The following BAIAP2L2 variants were observed in gnomAD, a reference collection of about 807,000 sequenced individuals.
BAIAP2L2 encodes the protein BAR/IMD domain-containing adapter protein 2-like 2.
BAIAP2L2 carries 65 observed loss-of-function variants against 60.4 expected under a neutral mutation model. That is an observed-to-expected ratio of 1.08 (90% CI 0.88 to 1.32). The LOEUF is 1.32. Ranked by LOEUF, BAIAP2L2 falls within the 40% of genes most tolerant of loss-of-function variation. The pLI, the probability that BAIAP2L2 is intolerant of heterozygous loss-of-function variation, is 0.00. For missense variants in BAIAP2L2, 836 were observed against 741.2 expected (o/e 1.13, Z -1.48); for synonymous variants, 344 against 301.7 (o/e 1.14, Z -1.45).
At chr22:38,086,560 G>A (rs895042885) in intron 11 of BAIAP2L2, 111 bp from the exon 12 acceptor site, 11 of 781,622 alleles carry the variant, frequency 1.4e-5, no homozygotes, top group Middle Eastern at 3.7e-4. Flanking sequence ...CTTCCTCCCC[G>A]CACCTGCATG....
At position 38,110,611 on chromosome 22, in the gene BAIAP2L2, G is replaced by T; in HGVS notation, c.-86C>A. ...AGCAGTGGTAGGTAGTCCCTCAGGTGCCCACGACTCAGCTGGCAGCGAGGA... is the reference window on the plus strand; with the variant it reads ...AGCAGTGGTAGGTAGTCCCTCAGGTTCCCACGACTCAGCTGGCAGCGAGGA... On this transcript the variant is annotated 5_prime_UTR_variant, in exon 1 of 14. Transcript: ENST00000381669. 1 of 1,143,110 alleles carries T rather than the reference G, an allele frequency of 8.7e-7. No individual in the cohort carries two copies. Among genetic ancestry groups the T allele is most frequent in the Non-Finnish European group, 1.2e-6 (1 of 807,144 alleles). The allele number at this position is 1,143,110 out of a possible 1,614,324, so 70.8% of individuals were successfully genotyped here. A position where few individuals can be genotyped will look rare whatever the true frequency, so the allele number is the denominator to read the frequency against.
intron 7 of BAIAP2L2, among the ~76,000 whole-genome samples, chr22:38,092,929 G>T (rs568205007): frequency 2.6e-5 from 4 of 152,102 alleles, no homozygotes; most frequent in African/African-American, 4.8e-5. Context: ...TTGGGAGGCC[G>T]AGGTGGGTGG....
chr22:38,110,400 G>A (rs2086819136), intron 1 of BAIAP2L2, 75 bp downstream of exon 1: 17 of 1,461,250 alleles, frequency 1.2e-5, no homozygotes, highest in East Asian at 4.7e-5. Flanking sequence ...CTGGCCCTCC[G>A]TCCTCCAGAG....
rs1212833554 is a variant in BAIAP2L2, at chr22:38,086,308, T to G, written c.1401A>C (p.Ala467=). Residue 467 remains alanine, a synonymous_variant, in exon 12 of 14, where the codon GCA becomes GCC. Transcript: ENST00000381669. The part of the protein sequence containing the change: ...SRVPSRAPSP[A]PPPLPSSRRS... ...GGCGGCTGCTGGGCAAGGGTGGAGG[T>G]GCAGGGCTGGGGGCACGGCTTGGCA... 6.3e-7 allele frequency: 1 copy of G among 1,585,828 alleles called. No homozygotes were observed. Among genetic ancestry groups the G allele is most frequent in the South Asian group, 1.1e-5 (1 of 89,770 alleles).
At chr22:38,093,106 C>T (rs958261555) in intron 7 of BAIAP2L2, among the ~76,000 whole-genome samples, 1 of 152,148 alleles carries the variant, frequency 6.6e-6, no homozygotes, top group Non-Finnish European at 1.5e-5. Flanking sequence ...GTGGAGGTTG[C>T]AGTGAGCTGA....
chr22:38,096,028 T>C (rs1277420077), intron 7 of BAIAP2L2, among the ~76,000 whole-genome samples: 1 of 152,128 alleles, frequency 6.6e-6, no homozygotes, highest in African/African-American at 2.4e-5. Flanking sequence ...GAATTCCTTT[T>C]CTATTAGAAG....
intron 11 of BAIAP2L2, among the ~76,000 whole-genome samples, chr22:38,086,910 C>T (rs1240339527): frequency 2.7e-5 from 4 of 150,206 alleles, no homozygotes; most frequent in African/African-American, 9.8e-5. Flanking sequence ...GCAGGAGAAT[C>T]GCTTGAATGC....
intron 4 of BAIAP2L2, 144 bp from the exon 5 acceptor site, chr22:38,098,626 C>T: frequency 1.7e-6 from 1 of 601,774 alleles, no homozygotes. Flanking sequence ...GAAACGGAGA[C>T]AAGAACACCA....
chr22:38,089,372 G>A (rs1410565626), intron 8 of BAIAP2L2, 141 bp from the exon 9 acceptor site: 5 of 567,528 alleles, frequency 8.8e-6, no homozygotes, highest in African/African-American at 2.0e-5. Context: ...GGGGCGCGGA[G>A]AACGCGCCGG....
At chr22:38,086,568 A>G (rs1406418496) in intron 11 of BAIAP2L2, 119 bp from the exon 12 acceptor site, 4 of 737,552 alleles carry the variant, frequency 5.4e-6, no homozygotes, top group Non-Finnish European at 8.7e-6. Context: ...CCGCACCTGC[A>G]TGAAAGGAGA....
At position 38,085,750 on chromosome 22, in the gene BAIAP2L2, A is replaced by G. The variant is rs2086044677; in HGVS notation, c.1468-18T>C. 6.3e-7 allele frequency: 1 copy of G among 1,587,050 alleles called. No homozygotes were observed. Among genetic ancestry groups the G allele is most frequent in the East Asian group, 2.2e-5 (1 of 44,568 alleles). ...ATCAGTTTCTGCAGTGGGGGTGGGG[A>G]AGGGCTGGTTTGGTGGGGAGAGGGG... On this transcript the variant is annotated intron_variant, in intron 12 of 13. Transcript: ENST00000381669.
At chr22:38,101,616 G>A (rs1289338710) in intron 4 of BAIAP2L2, among the ~76,000 whole-genome samples, 1 of 144,476 alleles carries the variant, frequency 6.9e-6, no homozygotes, top group Admixed American at 7.2e-5. Flanking sequence ...CACTTTGGAA[G>A]GCCAAGGTGT....
chr22:38,087,167 A>T lies in BAIAP2L2; in HGVS notation c.1216T>A (p.Ser406Thr), dbSNP rs78489217. The change falls in exon 11 of 14, where the codon TCC becomes ACC. Residue 406 changes from serine to threonine, a missense_variant. By Grantham distance (58) the Ser-to-Thr change is moderately conservative. Coordinates refer to ENST00000381669, the MANE Select transcript of BAIAP2L2 (RefSeq NM_025045.6). The part of the protein sequence containing the change: ...VTPMTSMTSM[S>T]PMTPMNPGNE... ...CCGGGGTTCATGGGTGTCATGGGGGACATGGAGGTCATGGAGGTCATGGGG... is the reference window on the plus strand; with the variant it reads ...CCGGGGTTCATGGGTGTCATGGGGGTCATGGAGGTCATGGAGGTCATGGGG... 22,066 of 973,282 alleles carry T rather than the reference A, an allele frequency of 0.023. 315 individuals are homozygous for T. The highest frequency in any genetic ancestry group is 0.06 in the South Asian group (3,910 of 64,772). 60.3% of individuals were successfully genotyped at this position (973,282 alleles called of 1,614,324 possible).
intron 7 of BAIAP2L2, among the ~76,000 whole-genome samples, chr22:38,095,373 C>T (rs2086404529): frequency 6.6e-6 from 1 of 150,976 alleles, no homozygotes; most frequent in Non-Finnish European, 1.5e-5. Context: ...ATTATCTCAT[C>T]TTTTTTTTTG....
chr22:38,095,713 G>A (rs192148270), intron 7 of BAIAP2L2, among the ~76,000 whole-genome samples: 199 of 152,174 alleles, frequency 1.3e-3, no homozygotes, highest in Non-Finnish European at 2.1e-3. Context: ...ATGAATTGGC[G>A]GAGCGATGGA....
chr22:38,090,063 C>A, intron 7 of BAIAP2L2: 1 of 165,570 alleles, frequency 6.0e-6, no homozygotes, highest in East Asian at 1.6e-4. Context: ...AACCCAGTCC[C>A]ATTACTTACT....
chr22:38,086,183 C>A, intron 12 of BAIAP2L2, 59 bp downstream of exon 12: 3 of 1,541,624 alleles, frequency 1.9e-6, no homozygotes, highest in East Asian at 2.3e-5. Flanking sequence ...CCTCGGGATC[C>A]CTGCTCTCCT....
At chr22:38,093,655 A>G (rs1370521200) in intron 7 of BAIAP2L2, among the ~76,000 whole-genome samples, 3 of 152,238 alleles carry the variant, frequency 2.0e-5, no homozygotes, top group African/African-American at 7.2e-5. Context: ...CAATATTGCA[A>G]TCAGATATCG....
intron 7 of BAIAP2L2, chr22:38,093,796 C>G (rs1463139001): frequency 2.4e-6 from 1 of 416,878 alleles, no homozygotes; most frequent in Non-Finnish European, 4.9e-6. Context: ...GGAAGTTCCA[C>G]AAACAGTTAA....
Sources: allele counts gnomAD v4.1 joint callset (sites outside exome capture counted in the v4.1 genomes callset), GRCh38; gene constraint gnomAD v4.1.1; transcripts MANE v1.5; gene names NCBI Gene and HGNC (gene_info 2026-07-23, HGNC 2026-07-21).